ZFR: variants seen among roughly 807,000 people sequenced by gnomAD.
The protein encoded by ZFR is zinc finger RNA binding protein, also known as zinc finger RNA-binding protein.
ZFR carries 19 observed loss-of-function variants against 130.7 expected under a neutral mutation model. That is an observed-to-expected ratio of 0.15 (90% CI 0.10 to 0.21). The LOEUF (loss-of-function observed/expected upper bound fraction) is 0.21. ZFR is among the 10% of genes least tolerant of loss of function. The pLI is 1.00. For missense variants in ZFR, 872 were observed against 1,321.5 expected, an observed-to-expected ratio of 0.66 and a Z score of 5.27; for synonymous variants, 466 against 456.9, an observed-to-expected ratio of 1.02 and a Z score of -0.25.
In ZFR at chr5:32,417,526, A is replaced by C. The variant is rs1229749179; in HGVS notation, c.565+122T>G. 8.1e-6 allele frequency: 10 copies of C among 1,231,510 alleles called. No homozygotes were observed. The South Asian group carries it at 1.4e-4, about 17-fold the overall frequency. The allele number at this position is 1,231,510 out of a possible 1,614,324, so 76.3% of individuals were successfully genotyped here. On this transcript the variant is annotated intron_variant, in intron 4 of 19. Coordinates refer to ENST00000265069, the MANE Select transcript of ZFR (RefSeq NM_016107.5). ...AGGCATTTAGTAGGACAGGTCTAGA[A>C]CCTGCCTCCTAAGATGATGTGATAT...
intron 2 of ZFR, among the ~76,000 whole-genome samples, chr5:32,442,522 C>G (rs985695751): frequency 2.0e-5 from 3 of 152,206 alleles, no homozygotes; most frequent in South Asian, 4.1e-4. Context: ...TTTGCTAATA[C>G]TTGAAATGCC....
intron 5 of ZFR, among the ~76,000 whole-genome samples, chr5:32,410,641 G>A (rs1261803551): frequency 6.6e-6 from 1 of 152,022 alleles, no homozygotes; most frequent in Non-Finnish European, 1.5e-5. Flanking sequence ...TATGATATTA[G>A]AAGAGCTGGC....
intron 19 of ZFR, among the ~76,000 whole-genome samples, chr5:32,358,868 CATCTT>C (rs1468685270): frequency 4.6e-5 from 7 of 152,090 alleles, no homozygotes; most frequent in African/African-American, 1.7e-4. Flanking sequence ...TGAATCATAT[CATCTT>C]ATCTTGTGCT....
intron 2 of ZFR, among the ~76,000 whole-genome samples, chr5:32,433,620 C>T (rs2111859262): frequency 6.6e-6 from 1 of 152,322 alleles, no homozygotes; most frequent in East Asian, 1.9e-4. Context: ...CTTCTTTACT[C>T]CCTACCTGCA....
At chr5:32,381,242 A>T (rs1752929472) in intron 15 of ZFR, among the ~76,000 whole-genome samples, 1 of 152,316 alleles carries the variant, frequency 6.6e-6, no homozygotes, top group South Asian at 2.1e-4. Context: ...CCAGGACAAG[A>T]AGTTAACTTT....
intron 9 of ZFR, among the ~76,000 whole-genome samples, 168 bp from the exon 10 acceptor site, chr5:32,397,506 T>C (rs975991841): frequency 6.6e-6 from 1 of 152,088 alleles, no homozygotes; most frequent in Admixed American, 6.6e-5. Flanking sequence ...CATGCTGGAG[T>C]GCAGTGGTTT....
chr5:32,377,218 C>T (rs904706911), intron 17 of ZFR, among the ~76,000 whole-genome samples: 1 of 149,484 alleles, frequency 6.7e-6, no homozygotes, highest in African/African-American at 2.4e-5. Context: ...TTCTCTTTCT[C>T]TCTCTCTCTC....
intron 9 of ZFR, 23 bp downstream of exon 9, chr5:32,399,984 A>C (rs570971043): frequency 6.3e-7 from 1 of 1,574,916 alleles, no homozygotes; most frequent in African/African-American, 1.4e-5. Flanking sequence ...ATTTCACAGC[A>C]ATGGTATTCT....
At chr5:32,428,502 A>G (rs1170432446) in intron 2 of ZFR, among the ~76,000 whole-genome samples, 1 of 152,218 alleles carries the variant, frequency 6.6e-6, no homozygotes, top group East Asian at 1.9e-4. Flanking sequence ...TGAGCCTAGG[A>G]GGAGTTCGAG....
At chr5:32,361,759 C>T (rs1411728767) in intron 19 of ZFR, among the ~76,000 whole-genome samples, 1 of 151,818 alleles carries the variant, frequency 6.6e-6, no homozygotes, top group African/African-American at 2.4e-5. Context: ...GCCTGGACTA[C>T]AGGCACTCAC....
chr5:32,368,100 T>C (rs1752585853), intron 17 of ZFR, among the ~76,000 whole-genome samples: 1 of 152,202 alleles, frequency 6.6e-6, no homozygotes. Flanking sequence ...TTTCTAGCTC[T>C]GGTAGAGACA....
intron 4 of ZFR, among the ~76,000 whole-genome samples, chr5:32,415,545 T>C (rs11957618): frequency 0.3 from 44,266 of 145,688 alleles, 7,031 homozygotes; most frequent in Middle Eastern, 0.46. Flanking sequence ...CTAGTCAGTC[T>C]ACTTCAGTTA....
intron 2 of ZFR, among the ~76,000 whole-genome samples, chr5:32,431,736 C>T (rs1368404659): frequency 7.2e-6 from 1 of 138,772 alleles, no homozygotes; most frequent in Non-Finnish European, 1.5e-5. Context: ...AAACTACTGA[C>T]ATTTAAATGT....
intron 2 of ZFR, among the ~76,000 whole-genome samples, chr5:32,441,480 C>A (rs1252932435): frequency 6.6e-6 from 1 of 151,680 alleles, no homozygotes; most frequent in African/African-American, 2.4e-5. Context: ...AAAAGTTGGC[C>A]CTCCATGAAT....
rs933446377 is a variant in ZFR, at chr5:32,370,089, ATTTTTTT to A, written c.2836-5821_2836-5815del. 2.2e-4 allele frequency among the ~76,000 whole-genome samples: 27 copies of A among 121,930 alleles called. 1 individual carries two copies. Among genetic ancestry groups the A allele is most frequent in the South Asian group, 7.8e-4 (3 of 3,828 alleles). 80.0% of individuals were successfully genotyped at this position (121,930 alleles called of 152,430 possible). A position where few individuals can be genotyped will look rare whatever the true frequency, so the allele number is the denominator to read the frequency against. On this transcript the variant is annotated intron_variant, in intron 17 of 19. Coordinates refer to ENST00000265069, the MANE Select transcript of ZFR (RefSeq NM_016107.5). ...TCAACATTAATCAATACAGTGGCAG[ATTTTTTT>A]TTTTTTTTTTTTTTTGAGATAGGGT...
At chr5:32,361,108 C>G (rs980293513) in intron 19 of ZFR, among the ~76,000 whole-genome samples, 2 of 152,208 alleles carry the variant, frequency 1.3e-5, no homozygotes, top group African/African-American at 2.4e-5. Flanking sequence ...AGCCACTGTG[C>G]CTGGCTCTAA....
intron 19 of ZFR, 70 bp downstream of exon 19, chr5:32,363,878 A>G: frequency 7.8e-7 from 1 of 1,281,220 alleles, no homozygotes; most frequent in East Asian, 2.4e-5. Context: ...ATATTCCTTA[A>G]GACAATAACA....
At chr5:32,424,532 C>CAAAAAAAAAAAAAA (rs575935210) in intron 2 of ZFR, among the ~76,000 whole-genome samples, 1 of 62,638 alleles carries the variant, frequency 1.6e-5, no homozygotes, top group Non-Finnish European at 3.6e-5. Context: ...GACTCCGTCT[C>CAAAAAAAAAAAAAA]AAAAAAAAAA....
intron 3 of ZFR, 97 bp downstream of exon 3, chr5:32,419,724 G>A: frequency 6.7e-7 from 1 of 1,482,280 alleles, no homozygotes; most frequent in Non-Finnish European, 8.9e-7. Flanking sequence ...TATTTTGGAA[G>A]CCCCAAGTTT....
Sources: allele counts gnomAD v4.1 joint callset (sites outside exome capture counted in the v4.1 genomes callset), GRCh38; gene constraint gnomAD v4.1.1; transcripts MANE v1.5; gene names NCBI Gene and HGNC (gene_info 2026-07-23, HGNC 2026-07-21).